Variants in NKAIN2 observed in about 807,000 individuals in gnomAD.
NKAIN2 encodes the protein sodium/potassium transporting ATPase interacting 2.
Under a neutral mutation model 32.6 loss-of-function variants are expected in NKAIN2, and 14 were observed. The observed-to-expected ratio is 0.43, with a 90% CI of 0.28 to 0.67. The LOEUF (loss-of-function observed/expected upper bound fraction) is 0.67, where lower values mean the gene tolerates loss of function less well. Among genes scored for constraint, NKAIN2 ranks in the 30% least tolerant of loss-of-function variants. The pLI, the probability that NKAIN2 is intolerant of heterozygous loss-of-function variation, is 0.17. For missense variants in NKAIN2, 198 were observed against 258.3 expected (o/e 0.77, Z 1.60); for synonymous variants, 80 against 87.2 (o/e 0.92, Z 0.46).
At chr6:123,860,226 G>A (rs1186848701) in intron 1 of NKAIN2, among the ~76,000 whole-genome samples, 1 of 152,036 alleles carries the variant, frequency 6.6e-6, no homozygotes, top group Admixed American at 6.5e-5. Flanking sequence ...GGCTGAGGCA[G>A]GAGAGAAATA....
intron 2 of NKAIN2, among the ~76,000 whole-genome samples, chr6:124,349,418 T>C (rs533226496): frequency 6.7e-6 from 1 of 150,252 alleles, no homozygotes; most frequent in South Asian, 2.1e-4. Context: ...ATTAGCAGCA[T>C]GATATCTGTG....
intron 1 of NKAIN2, among the ~76,000 whole-genome samples, chr6:124,209,222 C>T (rs1046006074): frequency 1.3e-4 from 19 of 151,682 alleles, no homozygotes; most frequent in African/African-American, 3.6e-4. Flanking sequence ...AAATGTGATA[C>T]GTACCTTTCT....
chr6:124,600,944 A>G (rs1044417438), intron 3 of NKAIN2, among the ~76,000 whole-genome samples: 5 of 152,036 alleles, frequency 3.3e-5, no homozygotes, highest in Non-Finnish European at 7.4e-5. Flanking sequence ...AAGATCCCAA[A>G]TGCCATTACT....
At chr6:123,977,708 A>G (rs1778704126) in intron 1 of NKAIN2, among the ~76,000 whole-genome samples, 1 of 152,194 alleles carries the variant, frequency 6.6e-6, no homozygotes, top group Non-Finnish European at 1.5e-5. Flanking sequence ...CACTTCAGAC[A>G]TTCTTGGGCA....
At chr6:124,625,257 C>CAA (rs200650915) in intron 3 of NKAIN2, among the ~76,000 whole-genome samples, 1 of 151,400 alleles carries the variant, frequency 6.6e-6, no homozygotes. Flanking sequence ...ATTTTCTCTA[C>CAA]AAAAAAAACA....
intron 1 of NKAIN2, among the ~76,000 whole-genome samples, chr6:124,204,368 A>G (rs1790750862): frequency 6.6e-6 from 1 of 151,818 alleles, no homozygotes; most frequent in Non-Finnish European, 1.5e-5. Flanking sequence ...GGACCAGTAA[A>G]TTACAGATTT....
intron 2 of NKAIN2, among the ~76,000 whole-genome samples, chr6:124,310,200 A>G (rs1000716546): frequency 1.3e-5 from 2 of 152,152 alleles, no homozygotes; most frequent in Admixed American, 6.6e-5. Context: ...TATTGTTAAC[A>G]TGGGAATAGA....
chr6:124,680,481 C>T (rs12662074), intron 4 of NKAIN2, among the ~76,000 whole-genome samples: 9,061 of 152,056 alleles, frequency 0.06, 383 homozygotes, highest in African/African-American at 0.12. Flanking sequence ...GTTTTGCATC[C>T]GTCTTTACAG....
At chr6:123,939,150 A>G (rs1258687058) in intron 1 of NKAIN2, among the ~76,000 whole-genome samples, 1 of 151,948 alleles carries the variant, frequency 6.6e-6, no homozygotes, top group Non-Finnish European at 1.5e-5. Flanking sequence ...TCCAACCAAG[A>G]GGCTTGGGGT....
At position 124,658,331 on chromosome 6, in the gene NKAIN2, T is replaced by C; in HGVS notation, c.419T>C (p.Leu140Ser). 3 of 1,614,122 alleles carry C rather than the reference T, an allele frequency of 1.9e-6. No individual in the cohort carries two copies. Among genetic ancestry groups the C allele is most frequent in the Non-Finnish European group, 2.5e-6 (3 of 1,180,002 alleles). Residue 140 changes from leucine to serine, a missense_variant, in exon 4 of 7, where the codon TTG becomes TCG. Leu to Ser is a moderately radical substitution (Grantham distance 145). Transcript: ENST00000368417. ...CGCTACATCACGGTCTCAGGGTGTT[T>C]GCTGGAGTACCAGTACATAGAAGTG... is the stretch of plus-strand genomic sequence containing the variant. ...DHRYITVSGC[L>S]LEYQYIEVAH...
intron 1 of NKAIN2, among the ~76,000 whole-genome samples, chr6:123,832,671 C>T (rs1774436612): frequency 6.6e-6 from 1 of 152,182 alleles, no homozygotes; most frequent in Admixed American, 6.6e-5. Flanking sequence ...GACATTCTGA[C>T]AGGCATGTAG....
chr6:124,413,805 A>T lies in NKAIN2; in HGVS notation c.273+58458A>T, dbSNP rs189772013. 9.9e-5 allele frequency among the ~76,000 whole-genome samples: 15 copies of T among 152,278 alleles called. No individual in the cohort carries two copies. In the East Asian group the frequency reaches 2.9e-3, roughly 29 times the overall value. Reference sequence around the variant, plus strand: ...TTTCATATTTTTGATCATACTGGAAATGGTATTTTTATTTCCATATATGAT... The same window carrying T: ...TTTCATATTTTTGATCATACTGGAATTGGTATTTTTATTTCCATATATGAT... On this transcript the variant is annotated intron_variant, in intron 3 of 6. Transcript: ENST00000368417.
At chr6:123,821,802 A>G (rs144914574) in intron 1 of NKAIN2, among the ~76,000 whole-genome samples, 37 of 152,296 alleles carry the variant, frequency 2.4e-4, no homozygotes, top group African/African-American at 7.5e-4. Context: ...GAATATGAGT[A>G]TGAATAAAGT....
chr6:124,544,908 A>T (rs1458492479), intron 3 of NKAIN2, among the ~76,000 whole-genome samples: 1 of 152,176 alleles, frequency 6.6e-6, no homozygotes, highest in East Asian at 1.9e-4. Flanking sequence ...GGTAAATATA[A>T]TTTGATGATA....
intron 1 of NKAIN2, among the ~76,000 whole-genome samples, chr6:124,017,438 T>C (rs1780631271): frequency 6.6e-6 from 1 of 152,158 alleles, no homozygotes; most frequent in Non-Finnish European, 1.5e-5. Flanking sequence ...TTTTAACTCA[T>C]TTCACATTAA....
chr6:124,438,021 G>A, intron 3 of NKAIN2: 1 of 368,574 alleles, frequency 2.7e-6, no homozygotes, highest in South Asian at 2.1e-5. Flanking sequence ...AAGCCCATTG[G>A]CATCATATTA....
At chr6:124,793,407 A>G (rs1779834229) in intron 5 of NKAIN2, among the ~76,000 whole-genome samples, 1 of 152,088 alleles carries the variant, frequency 6.6e-6, no homozygotes, top group African/African-American at 2.4e-5. Flanking sequence ...TGTGGACCAA[A>G]CAAACTATGT....
At chr6:124,024,402 C>A (rs968233310) in intron 1 of NKAIN2, among the ~76,000 whole-genome samples, 1 of 152,112 alleles carries the variant, frequency 6.6e-6, no homozygotes, top group Non-Finnish European at 1.5e-5. Context: ...TGCTGAACGT[C>A]GGCCTCTCCC....
chr6:123,974,181 A>G (rs778280970), intron 1 of NKAIN2, among the ~76,000 whole-genome samples: 5 of 152,190 alleles, frequency 3.3e-5, no homozygotes, highest in Admixed American at 3.3e-4. Context: ...CAGGATGCAC[A>G]AGAAACAGTT....
Sources: gnomAD v4.1 joint callset for allele counts (sites outside exome capture counted in the v4.1 genomes callset) on GRCh38, gnomAD v4.1.1 for gene constraint, MANE v1.5 for transcripts, NCBI Gene and HGNC (gene_info 2026-07-23, HGNC 2026-07-21) for gene names.